The following FARP1 variants were observed in gnomAD, a reference collection of about 807,000 sequenced individuals.
The protein encoded by FARP1 is FERM, ARHGEF and pleckstrin domain-containing protein 1.
A neutral mutation model predicts 128.8 loss-of-function variants in FARP1; 52 were observed. The observed-to-expected ratio is 0.40, with a 90% CI of 0.32 to 0.51. FARP1 has a LOEUF of 0.51. Ranked by LOEUF, FARP1 falls within the 20% of genes least tolerant of loss-of-function variation. The pLI, the probability that FARP1 is intolerant of heterozygous loss-of-function variation, is 0.45. For missense variants in FARP1, 1,333 were observed against 1,367.9 expected, an observed-to-expected ratio of 0.97 and a Z score of 0.40; for synonymous variants, 580 against 551.8, an observed-to-expected ratio of 1.05 and a Z score of -0.72.
chr13:98,362,880 T>G (rs1888927547), intron 3 of FARP1, among the ~76,000 whole-genome samples: 1 of 152,202 alleles, frequency 6.6e-6, no homozygotes, highest in African/African-American at 2.4e-5. Flanking sequence ...TATTGTCACC[T>G]CCTTCCCTGG....
intron 2 of FARP1, among the ~76,000 whole-genome samples, chr13:98,231,381 C>T (rs576688469): frequency 2.6e-5 from 4 of 152,108 alleles, no homozygotes; most frequent in Non-Finnish European, 5.9e-5. Flanking sequence ...GGGCAGTGCA[C>T]GCTTTCCATG....
chr13:98,328,592 CTT>C (rs1158106082), intron 2 of FARP1: 1 of 152,232 alleles, frequency 6.6e-6, no homozygotes, highest in African/African-American at 2.4e-5. Flanking sequence ...GCACATGACT[CTT>C]TTTCTTTCCT....
chr13:98,253,594 T>A (rs929887246), intron 2 of FARP1, among the ~76,000 whole-genome samples: 2 of 152,236 alleles, frequency 1.3e-5, no homozygotes, highest in African/African-American at 4.8e-5. Context: ...TTAAGCGAGA[T>A]GATGTATTTA....
chr13:98,297,662 G>A (rs1158332792), intron 2 of FARP1, among the ~76,000 whole-genome samples: 4 of 152,154 alleles, frequency 2.6e-5, no homozygotes, highest in Non-Finnish European at 5.9e-5. Context: ...GGGTGGGGAC[G>A]TTATGTTTAT....
At position 98,311,324 on chromosome 13, in the gene FARP1, T is replaced by G. The variant is rs566382105; in HGVS notation, c.172-32438T>G. Among the ~76,000 whole-genome samples the G allele has an allele frequency of 2.9e-4, 44 of 152,322 alleles. No homozygotes were observed. The South Asian group carries it at 7.0e-3, about 24-fold the overall frequency. On this transcript the variant is annotated intron_variant, in intron 2 of 26. Coordinates refer to ENST00000319562, the MANE Select transcript of FARP1 (RefSeq NM_005766.4). The stretch of plus-strand genomic sequence containing the variant: ...GACTGAGTGGGATTTAATCCCAGGT[T>G]TTTTTTGTTTGTTTGTTTCCTCTCC...
Position 98,385,796 on chromosome 13 carries a change from G to A in FARP1, c.741G>A (p.Thr247=), listed in dbSNP as rs1284264407. Residue 247 remains threonine, a synonymous_variant, in exon 8 of 27, where the codon ACG becomes ACA. Transcript: ENST00000319562. ...AGATCAATCTGGCCGTTGCCAACAC[G>A]GGAATTCTAGTGTTTCAGGTGAGAG... ...GTKINLAVAN[T]GILVFQGFTK... is the part of the protein sequence containing the mutation. 10 of 1,613,964 alleles carry A rather than the reference G, an allele frequency of 6.2e-6. No homozygotes were observed. The highest frequency in any genetic ancestry group is 4.5e-5 in the East Asian group (2 of 44,892).
intron 2 of FARP1, among the ~76,000 whole-genome samples, chr13:98,314,081 G>A (rs1262812690): frequency 3.9e-5 from 6 of 152,218 alleles, no homozygotes; most frequent in Admixed American, 6.5e-5. Flanking sequence ...AGAAGAACGT[G>A]TGTGCGGATG....
rs541980223 is a variant in FARP1, at chr13:98,375,410, T to C, written c.399-2411T>C. On this transcript the variant is annotated intron_variant, in intron 5 of 26. Coordinates refer to ENST00000319562, the MANE Select transcript of FARP1 (RefSeq NM_005766.4). Reference sequence around the variant, plus strand: ...TTTTTGCCAAATACTTGAGGCAAAATTTTACTTTATGGGAGATAAACCTGT... The same window carrying C: ...TTTTTGCCAAATACTTGAGGCAAAACTTTACTTTATGGGAGATAAACCTGT... 4.6e-5 allele frequency among the ~76,000 whole-genome samples: 7 copies of C among 152,314 alleles called. No individual in the cohort carries two copies. In the East Asian group the frequency reaches 1.4e-3, roughly 29 times the overall value.
In FARP1 at chr13:98,395,384, A is replaced by T; in HGVS notation, c.1322A>T (p.Asp441Val). The change falls in exon 13 of 27, where the codon GAC (aspartate) becomes GTC (valine). Residue 441 changes from aspartate to valine, a missense_variant. Physicochemically the swap from Asp to Val is radical, Grantham distance 152 (BLOSUM62 -3). Coordinates refer to ENST00000319562, the MANE Select transcript of FARP1 (RefSeq NM_005766.4). ...RRSPAGNKQADGAASAPTEEE... is the reference protein window; with the variant it reads ...RRSPAGNKQAVGAASAPTEEE... Reference sequence around the variant, plus strand: ...AGCCCCGCGGGTAACAAGCAGGCGGACGGAGCCGCCTCGGCGCCCACGGAG... The same window carrying T: ...AGCCCCGCGGGTAACAAGCAGGCGGTCGGAGCCGCCTCGGCGCCCACGGAG... 6.2e-7 allele frequency: 1 copy of T among 1,611,810 alleles called. No homozygotes were observed. The highest frequency in any genetic ancestry group is 8.5e-7 in the Non-Finnish European group (1 of 1,179,122).
At chr13:98,161,159 A>G (rs1422511568) in intron 1 of FARP1, among the ~76,000 whole-genome samples, 1 of 151,616 alleles carries the variant, frequency 6.6e-6, no homozygotes, top group Non-Finnish European at 1.5e-5. Flanking sequence ...CAAATTGGTA[A>G]TATATTATAC....
chr13:98,233,194 G>T (rs1219429114), intron 2 of FARP1, among the ~76,000 whole-genome samples: 2 of 152,198 alleles, frequency 1.3e-5, no homozygotes. Context: ...AGAGGGAGTG[G>T]TGTTAATAAA....
At chr13:98,398,918 C>T (rs3783015) in intron 13 of FARP1, 5 of 152,032 alleles carry the variant, frequency 3.3e-5, no homozygotes, top group African/African-American at 9.7e-5. Flanking sequence ...TAAGCATCCC[C>T]GAGCAAAACA....
intron 13 of FARP1, 128 bp from the exon 14 acceptor site, chr13:98,409,210 T>G: frequency 1.5e-6 from 1 of 685,522 alleles, no homozygotes; most frequent in Non-Finnish European, 2.4e-6. Flanking sequence ...AAATAAAGAA[T>G]CGCTTTAGGT....
chr13:98,240,160 G>A (rs1882681122), intron 2 of FARP1, among the ~76,000 whole-genome samples: 1 of 152,196 alleles, frequency 6.6e-6, no homozygotes, highest in African/African-American at 2.4e-5. Context: ...AGTGGCTGGG[G>A]CCTTGTGCTG....
intron 2 of FARP1, among the ~76,000 whole-genome samples, chr13:98,342,456 T>A (rs112387266): frequency 0.061 from 9,303 of 152,240 alleles, 356 homozygotes; most frequent in African/African-American, 0.11. Context: ...CCCAGCACTT[T>A]GGGAGGCTGA....
chr13:98,293,331 G>T (rs971990477), intron 2 of FARP1, among the ~76,000 whole-genome samples: 6 of 152,268 alleles, frequency 3.9e-5, no homozygotes, highest in Admixed American at 3.9e-4. Context: ...AAGTGACATT[G>T]TTCTCATAGC....
At chr13:98,355,632 A>G (rs1358618771) in intron 3 of FARP1, among the ~76,000 whole-genome samples, 1 of 152,200 alleles carries the variant, frequency 6.6e-6, no homozygotes, top group Non-Finnish European at 1.5e-5. Context: ...TTTGAGAACC[A>G]CTTCCCTAAA....
chr13:98,314,178 C>T (rs1886615515), intron 2 of FARP1, among the ~76,000 whole-genome samples: 2 of 151,258 alleles, frequency 1.3e-5, no homozygotes, highest in Non-Finnish European at 2.9e-5. Flanking sequence ...AAGTCACATT[C>T]TTCTTGGTGA....
chr13:98,229,366 G>A (rs1881978978), intron 2 of FARP1, among the ~76,000 whole-genome samples: 1 of 152,150 alleles, frequency 6.6e-6, no homozygotes, highest in African/African-American at 2.4e-5. Flanking sequence ...TAGCATTTGG[G>A]TAAATTTCCC....
Sources: gnomAD v4.1 joint callset for allele counts (sites outside exome capture counted in the v4.1 genomes callset) on GRCh38, gnomAD v4.1.1 for gene constraint, MANE v1.5 for transcripts, NCBI Gene and HGNC (gene_info 2026-07-23, HGNC 2026-07-21) for gene names.